The following STAT4 variants were observed in gnomAD, a reference collection of about 807,000 sequenced individuals.
STAT4 encodes signal transducer and activator of transcription 4.
Under a neutral mutation model 110.5 loss-of-function variants are expected in STAT4, and 42 were observed. That is an observed-to-expected ratio of 0.38 (90% CI 0.30 to 0.49). The LOEUF (loss-of-function observed/expected upper bound fraction) is 0.49. Among genes scored for constraint, STAT4 ranks in the 20% least tolerant of loss-of-function variants. The pLI is 0.95. For synonymous variants in STAT4, 284 were observed against 302.2 expected (o/e 0.94, Z 0.63); for missense variants, 632 against 887.9 (o/e 0.71, Z 3.66).
Position 191,062,847 on chromosome 2 carries a change from T to C in STAT4, c.856A>G (p.Met286Val). 6.2e-7 allele frequency: 1 copy of C among 1,613,972 alleles called. No homozygotes were observed. Among genetic ancestry groups the C allele is most frequent in the Non-Finnish European group, 8.5e-7 (1 of 1,179,904 alleles). The change falls in exon 9 of 24, where the codon ATG becomes GTG. Residue 286 changes from methionine to valine, a missense_variant. Coordinates refer to ENST00000392320, the MANE Select transcript of STAT4 (RefSeq NM_003151.4). This position sits in a 1 kb window ranked among gnomAD's most constrained non-coding sequence, Gnocchi z 4.9. ...GGAATGGGATCACCTTCATATGTCA[T>C]TTTGGTAGATTGCTCCTCTAGTTTC... is the stretch of plus-strand genomic sequence containing the variant. The part of the protein sequence containing the change: ...LEKLEEQSTK[M>V]TYEGDPIPMQ...
rs1032917939 is a variant in STAT4, at chr2:191,043,297, C to CA, written c.1252-2150dup. Among the ~76,000 whole-genome samples, 1 of 150,372 alleles carries CA rather than the reference C, an allele frequency of 6.7e-6. No homozygotes were observed. ...GAAATTTCCCAGAATGTAAAACAAA[C>CA]AAAAAAATCCCACAAAGACGTCAAA... On this transcript the variant is annotated intron_variant, in intron 14 of 23. Transcript: ENST00000392320. The surrounding 1 kb of genome is among the most constrained non-coding windows in gnomAD (Gnocchi z 4.8).
intron 3 of STAT4, among the ~76,000 whole-genome samples, chr2:191,127,049 T>C (rs1195765592): frequency 6.6e-6 from 1 of 151,946 alleles, no homozygotes; most frequent in Non-Finnish European, 1.5e-5. Context: ...GGCTAACTTT[T>C]GTGTTATGGA....
chr2:191,129,878 T>C (rs2125412281), intron 3 of STAT4, among the ~76,000 whole-genome samples: 1 of 152,314 alleles, frequency 6.6e-6, no homozygotes, highest in East Asian at 1.9e-4. Flanking sequence ...ACATAATTTG[T>C]CTTATAACTG....
chr2:191,101,473 C>A (rs115884790), intron 3 of STAT4, among the ~76,000 whole-genome samples: 1,639 of 152,242 alleles, frequency 0.011, 24 homozygotes, highest in African/African-American at 0.038. Flanking sequence ...AATGGCCACT[C>A]CATAAGCCAA....
intron 14 of STAT4, among the ~76,000 whole-genome samples, chr2:191,045,778 T>C (rs1442220822): frequency 6.6e-6 from 1 of 152,202 alleles, no homozygotes; most frequent in Non-Finnish European, 1.5e-5. Flanking sequence ...TGCCTGCAGA[T>C]AGTTATATTG....
intron 2 of STAT4, 60 bp downstream of exon 2, chr2:191,148,016 C>A: frequency 1.2e-6 from 2 of 1,602,902 alleles, no homozygotes; most frequent in Admixed American, 1.7e-5. Flanking sequence ...AATAAATTCA[C>A]ATGGATAGAG....
At chr2:191,137,479 C>T (rs530646442) in intron 3 of STAT4, among the ~76,000 whole-genome samples, 94 of 152,102 alleles carry the variant, frequency 6.2e-4, no homozygotes, top group Middle Eastern at 3.4e-3. Context: ...ATACCAATGT[C>T]GTTTTTCACA....
intron 14 of STAT4, among the ~76,000 whole-genome samples, chr2:191,045,360 T>G (rs1696319389): frequency 6.6e-6 from 1 of 152,220 alleles, no homozygotes; most frequent in South Asian, 2.1e-4. Flanking sequence ...AGACTCTGCA[T>G]TTTAACAAGA....
At chr2:191,075,837 C>CTTTTTTTTTT (rs71407854) in intron 4 of STAT4, among the ~76,000 whole-genome samples, 9 of 121,480 alleles carry the variant, frequency 7.4e-5, no homozygotes, top group African/African-American at 2.0e-4. Context: ...TTCTTTCTTT[C>CTTTTTTTTTT]TTTTTTTTTT....
rs1344795142 is a variant in STAT4, at chr2:191,110,563, T to C, written c.274-34238A>G. ...ATTTGGAGCTGGGTGTCATACTAAT[T>C]CCAATCTGAAAGTCTGAAAAAGACT... On this transcript the variant is annotated intron_variant, in intron 3 of 23. Transcript: ENST00000392320. This position sits in a 1 kb window ranked among gnomAD's most constrained non-coding sequence, Gnocchi z 4.5. Among the ~76,000 whole-genome samples, 6 of 152,092 alleles carry C rather than the reference T, an allele frequency of 3.9e-5. No individual in the cohort carries two copies. Among genetic ancestry groups the C allele is most frequent in the African/African-American group, 1.4e-4 (6 of 41,414 alleles).
In STAT4 at chr2:191,061,588, C is replaced by G. The variant is rs543248735; in HGVS notation, c.1034+141G>C. ...ATCTTCACATTTCTGTGGGTATTTC[C>G]CCAAGCTCAGAGCTGGGCACACAGC... On this transcript the variant is annotated intron_variant, in intron 10 of 23. Transcript: ENST00000392320. The surrounding 1 kb of genome is among the most constrained non-coding windows in gnomAD (Gnocchi z 6.2). The G allele has an allele frequency of 2.3e-4, 186 of 803,708 alleles. No homozygotes were observed. In the Admixed American group the frequency reaches 3.8e-3, roughly 16 times the overall value. The allele number at this position is 803,708 out of a possible 1,614,324, so 49.8% of individuals were successfully genotyped here. A position where few individuals can be genotyped will look rare whatever the true frequency, so the allele number is the denominator to read the frequency against.
chr2:191,033,260 G>C lies in STAT4; in HGVS notation c.1853-111C>G. On this transcript the variant is annotated intron_variant, in intron 20 of 23. Transcript: ENST00000392320. This position sits in a 1 kb window ranked among gnomAD's most constrained non-coding sequence, Gnocchi z 6.9. Reference sequence around the variant, plus strand: ...CCACTGGAGTGACTTGTCAGTTCATGTCACTTCAATGTCAGACCTTCTGCT... The same window carrying C: ...CCACTGGAGTGACTTGTCAGTTCATCTCACTTCAATGTCAGACCTTCTGCT... The C allele has an allele frequency of 1.6e-6, 2 of 1,250,686 alleles. No individual in the cohort carries two copies. Among genetic ancestry groups the C allele is most frequent in the Non-Finnish European group, 2.2e-6 (2 of 905,504 alleles). The allele number at this position is 1,250,686 out of a possible 1,614,324, so 77.5% of individuals were successfully genotyped here. A position where few individuals can be genotyped will look rare whatever the true frequency, so the allele number is the denominator to read the frequency against.
At chr2:191,067,409 T>C (rs1315617729) in intron 6 of STAT4, among the ~76,000 whole-genome samples, 2 of 152,088 alleles carry the variant, frequency 1.3e-5, no homozygotes, top group African/African-American at 4.8e-5. Flanking sequence ...CCCTGAAATT[T>C]CATTAACCAG....
chr2:191,084,857 A>G (rs2125293418), intron 3 of STAT4, among the ~76,000 whole-genome samples: 1 of 152,064 alleles, frequency 6.6e-6, no homozygotes, highest in Non-Finnish European at 1.5e-5. Flanking sequence ...AAAAATTATA[A>G]AAATATAAAA....
In STAT4 at chr2:191,106,217, C is replaced by T. The variant is rs998241219; in HGVS notation, c.274-29892G>A. ...CAGAATACAGACGTTACAAAAGAAA[C>T]CGTAACCCTTGGGATCTCATTTGTG... On this transcript the variant is annotated intron_variant, in intron 3 of 23. Transcript: ENST00000392320. Among the ~76,000 whole-genome samples, 5 of 152,134 alleles carry T rather than the reference C, an allele frequency of 3.3e-5. No individual in the cohort carries two copies. The South Asian group carries it at 1.0e-3, about 32-fold the overall frequency.
intron 16 of STAT4, among the ~76,000 whole-genome samples, chr2:191,036,629 T>C (rs1041920498): frequency 6.6e-6 from 1 of 152,208 alleles, no homozygotes; most frequent in Non-Finnish European, 1.5e-5. Flanking sequence ...CTTCTCAAGT[T>C]GCCCGCTTGG....
intron 3 of STAT4, among the ~76,000 whole-genome samples, chr2:191,100,563 C>A (rs1175086023): frequency 6.6e-6 from 1 of 152,080 alleles, no homozygotes; most frequent in African/African-American, 2.4e-5. Context: ...AGATTTGTTC[C>A]CCAAGCATCA....
chr2:191,102,193 C>A (rs906431733), intron 3 of STAT4, among the ~76,000 whole-genome samples: 12 of 151,982 alleles, frequency 7.9e-5, no homozygotes, highest in Non-Finnish European at 4.4e-5. Flanking sequence ...ACATGCTTAC[C>A]GTTCCAATAA....
intron 5 of STAT4, among the ~76,000 whole-genome samples, chr2:191,069,992 T>C (rs1395490284): frequency 1.3e-5 from 2 of 152,224 alleles, no homozygotes; most frequent in African/African-American, 4.8e-5. Flanking sequence ...CTCTTTTTAC[T>C]TGCCTGGAAG....
Sources: allele counts gnomAD v4.1 joint callset (sites outside exome capture counted in the v4.1 genomes callset), GRCh38; gene constraint gnomAD v4.1.1; non-coding constraint Gnocchi (gnomAD v3.1); transcripts MANE v1.5; gene names NCBI Gene and HGNC (gene_info 2026-07-23, HGNC 2026-07-21).